Variants in HMCN2 observed in about 807,000 individuals in gnomAD.
HMCN2 encodes the protein hemicentin 2.
A neutral mutation model predicts 377.5 loss-of-function variants in HMCN2; 325 were observed. The observed-to-expected ratio is 0.86, with a 90% CI of 0.79 to 0.94. HMCN2 has a LOEUF of 0.94. Ranked by LOEUF, HMCN2 falls within the 40% of genes least tolerant of loss-of-function variation. HMCN2 has a pLI of 0.00. For missense variants in HMCN2, 4,543 were observed against 4,725.3 expected (o/e 0.96, Z 1.13); for synonymous variants, 2,007 against 2,046.8 (o/e 0.98, Z 0.53).
At chr9:130,293,238 A>G (rs1835897908) in intron 4 of HMCN2, among the ~76,000 whole-genome samples, 1 of 142,536 alleles carries the variant, frequency 7.0e-6, no homozygotes, top group Non-Finnish European at 1.5e-5. Context: ...GTTCAAAATC[A>G]CAGTGCTGAT....
intron 2 of HMCN2, among the ~76,000 whole-genome samples, 180 bp from the exon 3 acceptor site, chr9:130,284,978 G>A (rs1554927090): frequency 2.0e-5 from 3 of 152,334 alleles, no homozygotes; most frequent in Non-Finnish European, 1.5e-5. Context: ...GAATGATGCT[G>A]CTTATCTACA....
chr9:130,359,501 T>C (rs1022634377), intron 37 of HMCN2, 87 bp downstream of exon 37: 1 of 531,700 alleles, frequency 1.9e-6, no homozygotes, highest in Non-Finnish European at 3.2e-6. Context: ...ACTCTCTGAT[T>C]GGACATAATG....
chr9:130,290,919 C>T (rs1835719944), intron 4 of HMCN2, among the ~76,000 whole-genome samples: 1 of 150,906 alleles, frequency 6.6e-6, no homozygotes, highest in Non-Finnish European at 1.5e-5. Flanking sequence ...TCTTTGGATT[C>T]CTTTCCCTTT....
In HMCN2 at chr9:130,295,775, AG is replaced by A. The variant is rs1188714371; in HGVS notation, c.891+7del. ...ATCCGGGGCTGTGGTCCATCAAGGT[AG>A]GGGCACTGGGTTGCAGGAGAAAGGT... On this transcript the variant is annotated splice_donor_region_variant and intron_variant, in intron 6 of 97. Transcript: ENST00000683500. 3 of 470,740 alleles carry A rather than the reference AG, an allele frequency of 6.4e-6. No homozygotes were observed. Among genetic ancestry groups the A allele is most frequent in the African/African-American group, 6.0e-5 (3 of 50,040 alleles). 29.2% of individuals were successfully genotyped at this position (470,740 alleles called of 1,614,324 possible).
At chr9:130,404,831 T>A in intron 80 of HMCN2, 38 bp from the exon 81 acceptor site, 3 of 1,192,426 alleles carry the variant, frequency 2.5e-6, no homozygotes, top group Non-Finnish European at 3.2e-6. Flanking sequence ...GCCGCCTCCC[T>A]GAGCCCCGGT....
chr9:130,288,504 C>T (rs1835548183), intron 4 of HMCN2, among the ~76,000 whole-genome samples: 1 of 152,200 alleles, frequency 6.6e-6, no homozygotes, highest in Admixed American at 6.5e-5. Flanking sequence ...GGTCACCCTC[C>T]CAGGAGAGAT....
rs1723977201 is a variant in HMCN2, at chr9:130,365,658, G to A, written c.6436G>A (p.Gly2146Ser). The A allele has an allele frequency of 2.0e-6, 2 of 985,922 alleles. No individual in the cohort carries two copies. Among genetic ancestry groups the A allele is most frequent in the African/African-American group, 1.7e-5 (1 of 57,236 alleles). The allele number at this position is 985,922 out of a possible 1,614,324, so 61.1% of individuals were successfully genotyped here. A position where few individuals can be genotyped will look rare whatever the true frequency, so the allele number is the denominator to read the frequency against. The change falls in exon 42 of 98, where the codon GGC (glycine) becomes AGC (serine). Residue 2146 changes from glycine (G) to serine (S), a missense_variant. Around this residue, in one of 5 missense-constraint regions of HMCN2, gnomAD observed 1,032 missense variants for 1,285.1 expected, o/e 0.80. Transcript: ENST00000683500. ...GGACAGAGCCGATGTGTGGGATGCG[G>A]GCCATTACACCTGTGAGGCACTGAA... is the stretch of plus-strand genomic sequence containing the variant. ...QVDRADVWDA[G>S]HYTCEALNQA...
Position 130,394,463 on chromosome 9 carries a change from A to T in HMCN2, c.10580A>T (p.Asp3527Val). The change falls in exon 69 of 98, where the codon GAT (aspartate) becomes GTT (valine). Residue 3527 changes from aspartate (D) to valine (V), a missense_variant. Transcript: ENST00000683500. The surrounding 1 kb of genome is among the most constrained non-coding windows in gnomAD (Gnocchi z 5.1). ...TPGAPMELLCDAQGTPQPNIT... is the reference protein window; with the variant it reads ...TPGAPMELLCVAQGTPQPNIT... ...GGCGCCCCCATGGAGCTCCTCTGTG[A>T]TGCCCAGGGCACCCCCCAGCCCAAC... The T allele has an allele frequency of 7.8e-7, 1 of 1,289,788 alleles. No homozygotes were observed. Among genetic ancestry groups the T allele is most frequent in the Non-Finnish European group, 1.0e-6 (1 of 988,850 alleles). The allele number at this position is 1,289,788 out of a possible 1,614,324, so 79.9% of individuals were successfully genotyped here. A position where few individuals can be genotyped will look rare whatever the true frequency, so the allele number is the denominator to read the frequency against.
At chr9:130,412,112 T>C (rs1046634167) in intron 85 of HMCN2, among the ~76,000 whole-genome samples, 5 of 152,058 alleles carry the variant, frequency 3.3e-5, no homozygotes, top group Non-Finnish European at 5.9e-5. Flanking sequence ...GCTGGGATTA[T>C]AGGCGCACGC....
Position 130,406,055 on chromosome 9 carries a change from C to G in HMCN2, c.12440C>G (p.Thr4147Ser), listed in dbSNP as rs1245606574. 1 of 1,289,890 alleles carries G rather than the reference C, an allele frequency of 7.8e-7. No homozygotes were observed. Among genetic ancestry groups the G allele is most frequent in the Admixed American group, 2.3e-5 (1 of 43,574 alleles). 79.9% of individuals were successfully genotyped at this position (1,289,890 alleles called of 1,614,324 possible). A position where few individuals can be genotyped will look rare whatever the true frequency, so the allele number is the denominator to read the frequency against. ...LTILVLPVFT[T>S]LPGDRSLRLG... is the part of the protein sequence containing the mutation. ...ATCCTGGTACTGCCTGTGTTCACCA[C>G]CCTGCCTGGGGACCGCAGCCTGCGC... Residue 4147 changes from threonine to serine, a missense_variant, in exon 82 of 98, where the codon ACC (threonine) becomes AGC (serine). By Grantham distance (58) the Thr-to-Ser change is moderately conservative. Around this residue, in one of 5 missense-constraint regions of HMCN2, gnomAD observed 1,073 missense variants for 1,319.5 expected, o/e 0.81. Transcript: ENST00000683500.
chr9:130,309,438 C>T (rs1837091910), intron 14 of HMCN2, among the ~76,000 whole-genome samples: 1 of 144,138 alleles, frequency 6.9e-6, no homozygotes, highest in Admixed American at 7.2e-5. Context: ...TCGCTTGAAC[C>T]TGGGAGGTAG....
intron 46 of HMCN2, among the ~76,000 whole-genome samples, chr9:130,371,520 C>T (rs573186524): frequency 6.6e-6 from 1 of 152,268 alleles, no homozygotes; most frequent in Admixed American, 6.5e-5. Context: ...ATTTATCCTC[C>T]TCATAAAATG....
intron 27 of HMCN2, 37 bp from the exon 28 acceptor site, chr9:130,348,947 C>T (rs1422111874): frequency 7.0e-6 from 9 of 1,291,840 alleles, no homozygotes; most frequent in Non-Finnish European, 7.1e-6. Flanking sequence ...GTGGCTGGAT[C>T]CCCTCTTACT....
At chr9:130,364,481 G>A (rs1840581966) in intron 40 of HMCN2, among the ~76,000 whole-genome samples, 1 of 152,234 alleles carries the variant, frequency 6.6e-6, no homozygotes, top group Non-Finnish European at 1.5e-5. Context: ...AACACAGGGG[G>A]ACCCTGAGCT....
intron 1 of HMCN2, among the ~76,000 whole-genome samples, chr9:130,282,940 A>G (rs1427399971): frequency 5.9e-5 from 9 of 152,138 alleles, no homozygotes; most frequent in Non-Finnish European, 2.9e-5. Context: ...GTGTGGTGGC[A>G]CATGACTGTG....
chr9:130,349,055 T>C lies in HMCN2; in HGVS notation c.4227T>C (p.Gly1409=), dbSNP rs1386348104. The change falls in exon 28 of 98, where the codon GGT becomes GGC. Residue 1409 remains glycine, a synonymous_variant. Coordinates refer to ENST00000683500, the MANE Select transcript of HMCN2 (RefSeq NM_001291815.2). ...QSLHFPRIQE[G]DSGLYSCRAE... Reference sequence around the variant, plus strand: ...TCCACTTCCCCAGGATCCAGGAGGGTGATTCTGGGCTCTACTCCTGCCGGG... The same window carrying C: ...TCCACTTCCCCAGGATCCAGGAGGGCGATTCTGGGCTCTACTCCTGCCGGG... The C allele has an allele frequency of 7.7e-7, 1 of 1,304,014 alleles. No individual in the cohort carries two copies. Among genetic ancestry groups the C allele is most frequent in the Non-Finnish European group, 1.0e-6 (1 of 988,868 alleles). 80.8% of individuals were successfully genotyped at this position (1,304,014 alleles called of 1,614,324 possible).
chr9:130,383,269 G>T (rs1841829402), intron 56 of HMCN2, among the ~76,000 whole-genome samples: 1 of 151,960 alleles, frequency 6.6e-6, no homozygotes, highest in Non-Finnish European at 1.5e-5. Flanking sequence ...CACAGGGGTG[G>T]GGGAGGCTCT....
At chr9:130,313,607 C>T (rs929531020) in intron 15 of HMCN2, among the ~76,000 whole-genome samples, 1 of 151,800 alleles carries the variant, frequency 6.6e-6, no homozygotes, top group South Asian at 2.1e-4. Context: ...GGCACCCCCC[C>T]CCATAAACCT....
In HMCN2 at chr9:130,397,408, A is replaced by G. The variant is rs78744105; in HGVS notation, c.11199-120A>G. 2.0e-3 allele frequency: 2,007 copies of G among 1,011,790 alleles called. 30 individuals carry two copies. The African/African-American group carries it at 0.031, about 15-fold the overall frequency. 62.7% of individuals were successfully genotyped at this position (1,011,790 alleles called of 1,614,324 possible). A position where few individuals can be genotyped will look rare whatever the true frequency, so the allele number is the denominator to read the frequency against. ...TGAGATTTGGGTGGAGACAGAGCCA[A>G]ACCATATCAGCATCCTCTCACTGGG... On this transcript the variant is annotated intron_variant, in intron 73 of 97. Coordinates refer to ENST00000683500, the MANE Select transcript of HMCN2 (RefSeq NM_001291815.2).
Sources: allele counts gnomAD v4.1 joint callset (sites outside exome capture counted in the v4.1 genomes callset), GRCh38; gene constraint gnomAD v4.1.1; regional missense constraint gnomAD v4.1.1; non-coding constraint Gnocchi (gnomAD v3.1); transcripts MANE v1.5; gene names NCBI Gene and HGNC (gene_info 2026-07-23, HGNC 2026-07-21).